The following ZNF800 variants were observed in gnomAD, a reference collection of about 807,000 sequenced individuals.
ZNF800 encodes zinc finger protein 800.
In ZNF800, 13 loss-of-function variants were observed where a neutral mutation model predicts 59.5. The ratio of observed to expected loss-of-function variants is 0.22; its 90% confidence interval spans 0.14 to 0.35. ZNF800 has a LOEUF of 0.35. Ranked by LOEUF, ZNF800 falls within the 10% of genes least tolerant of loss-of-function variation. The probability of loss-of-function intolerance (pLI) is 1.00; values close to 1 mark genes in which losing one functional copy is unlikely to be tolerated. For synonymous variants in ZNF800, 266 were observed against 265.7 expected (o/e 1.00, Z -0.01); for missense variants, 621 against 783.7 (o/e 0.79, Z 2.48).
intron 1 of ZNF800, among the ~76,000 whole-genome samples, chr7:127,353,106 G>C (rs185923568): frequency 6.6e-6 from 1 of 152,174 alleles, no homozygotes; most frequent in South Asian, 2.1e-4. Context: ...TAAGCAAAAA[G>C]AAAAAGTCCA....
downstream of ZNF800, among the ~76,000 whole-genome samples, chr7:127,368,529 C>T (rs962025565): frequency 6.6e-6 from 1 of 152,124 alleles, no homozygotes; most frequent in African/African-American, 2.4e-5. Flanking sequence ...ACTTCTCCAA[C>T]TCCAAACTAA....
rs147089043 is a variant in ZNF800 at position 127,374,046 on chromosome 7, T to C, written c.1290A>G (p.Glu430=). The C allele has an allele frequency of 2.5e-5, 41 of 1,614,026 alleles. No homozygotes were observed. The African/African-American group carries it at 4.9e-4, about 19-fold the overall frequency. ...PPSITHSPQN[E]LKGTNHSNEK... ...CATTTGAATGATTTGTTCCCTTTAA[T>C]TCATTCTGTGGAGAATGGGTAATGG... The change falls in exon 5 of 6, where the codon GAA becomes GAG. Residue 430 remains glutamate, a synonymous_variant. Coordinates refer to ENST00000265827, the MANE Select transcript of ZNF800 (RefSeq NM_176814.5).
chr7:127,387,419 A>G (rs984280264), intron 2 of ZNF800, among the ~76,000 whole-genome samples: 6 of 152,222 alleles, frequency 3.9e-5, no homozygotes, highest in Non-Finnish European at 8.8e-5. Flanking sequence ...GCTTTCTGAT[A>G]GCGGGGCTAA....
intron 5 of ZNF800, 183 bp downstream of exon 5, chr7:127,373,159 C>G: frequency 6.1e-6 from 6 of 985,410 alleles, no homozygotes; most frequent in Non-Finnish European, 7.2e-6. Context: ...TGTTCCCAAG[C>G]CACTGGAATA....
rs768642744 is a variant in ZNF800, at chr7:127,374,030, G to T, written c.1306C>A (p.His436Asn). The T allele has an allele frequency of 6.2e-7, 1 of 1,613,960 alleles. No homozygotes were observed. Among genetic ancestry groups the T allele is most frequent in the Admixed American group, 1.7e-5 (1 of 59,960 alleles). The change falls in exon 5 of 6, where the codon CAT (histidine) becomes AAT (asparagine). Residue 436 changes from histidine (H) to asparagine (N), a missense_variant. Physicochemically the swap from His to Asn is moderately conservative, Grantham distance 68. Coordinates refer to ENST00000265827, the MANE Select transcript of ZNF800 (RefSeq NM_176814.5). The part of the protein sequence containing the change: ...SPQNELKGTN[H>N]SNEKKNTPAA... ...GGTGTGTTCTTTTTTTCATTTGAATGATTTGTTCCCTTTAATTCATTCTGT... is the reference window on the plus strand; with the variant it reads ...GGTGTGTTCTTTTTTTCATTTGAATTATTTGTTCCCTTTAATTCATTCTGT...
At chr7:127,386,010 T>C (rs1801130147) in intron 3 of ZNF800, 50 bp downstream of exon 3, 1 of 1,314,150 alleles carries the variant, frequency 7.6e-7, no homozygotes. Context: ...TTCTAGGTAG[T>C]TTTTAACTAC....
chr7:127,346,116 C>T (rs1587416377), downstream of ZNF800, among the ~76,000 whole-genome samples: 1 of 152,102 alleles, frequency 6.6e-6, no homozygotes, highest in Non-Finnish European at 1.5e-5. Context: ...CCTCTATTAT[C>T]ACAAAAAGGA....
Position 127,386,138 on chromosome 7 carries a change from C to T in ZNF800, c.79G>A (p.Gly27Arg). The change falls in exon 3 of 6, where the codon GGA becomes AGA. Residue 27 changes from glycine (G) to arginine (R), a missense_variant. Coordinates refer to ENST00000265827, the MANE Select transcript of ZNF800 (RefSeq NM_176814.5). ...CCEPVYILEP[G>R]DPPLLQQPLQ... ...GGTTGCTGTAACAAAGGAGGATCTC[C>T]AGGTTCCAGGATATAAACTACATGG... 1 of 1,610,876 alleles carries T rather than the reference C, an allele frequency of 6.2e-7. No homozygotes were observed. Among genetic ancestry groups the T allele is most frequent in the Non-Finnish European group, 8.5e-7 (1 of 1,177,944 alleles).
chr7:127,343,158 C>T (rs1587414441), downstream of ZNF800, among the ~76,000 whole-genome samples: 1 of 151,308 alleles, frequency 6.6e-6, no homozygotes, highest in East Asian at 1.9e-4. Flanking sequence ...ATGAACTAAG[C>T]CATCAATTAG....
At chr7:127,366,046 AT>A (rs1161868936), downstream of ZNF800, among the ~76,000 whole-genome samples, 2 of 152,104 alleles carry the variant, frequency 1.3e-5, no homozygotes, top group Non-Finnish European at 2.9e-5. Context: ...TAATATAATC[AT>A]TTTACAGACA....
At chr7:127,362,167 A>C (rs1041717651) in intron 1 of ZNF800, 1 of 152,136 alleles carries the variant, frequency 6.6e-6, no homozygotes, top group Non-Finnish European at 1.5e-5. Flanking sequence ...GAAAATGCCC[A>C]AAAATAATAT....
chr7:127,383,307 A>C (rs1403319232), intron 3 of ZNF800, among the ~76,000 whole-genome samples: 1 of 152,260 alleles, frequency 6.6e-6, no homozygotes, highest in Non-Finnish European at 1.5e-5. Context: ...CTGAGCTTGA[A>C]GATAAAGGTA....
chr7:127,379,882 G>C (rs1401493610), intron 3 of ZNF800, among the ~76,000 whole-genome samples: 2 of 103,332 alleles, frequency 1.9e-5, no homozygotes, highest in African/African-American at 4.0e-5. Context: ...GAGAGAGAGA[G>C]AGAGAGAGAG....
In ZNF800 at chr7:127,392,051, C is replaced by G. The variant is rs553161098; in HGVS notation, c.-59+9G>C. The G allele has an allele frequency of 3.3e-4, 129 of 389,264 alleles. 1 individual carries two copies. The highest frequency in any genetic ancestry group is 5.1e-4 in the Non-Finnish European group (112 of 220,216). The allele number at this position is 389,264 out of a possible 1,614,324, so 24.1% of individuals were successfully genotyped here. A position where few individuals can be genotyped will look rare whatever the true frequency, so the allele number is the denominator to read the frequency against. On this transcript the variant is annotated intron_variant, in intron 1 of 5. Coordinates refer to ENST00000265827, the MANE Select transcript of ZNF800 (RefSeq NM_176814.5). ...ACCCCGTCCCCACAACCAAGTGCGC[C>G]CAACTTACTCAACTCTTAGGGCGGG... is the stretch of plus-strand genomic sequence containing the variant.
At chr7:127,389,629 A>C (rs577116472) in intron 2 of ZNF800, among the ~76,000 whole-genome samples, 2 of 152,298 alleles carry the variant, frequency 1.3e-5, no homozygotes, top group South Asian at 4.1e-4. Context: ...CTACTCTATA[A>C]GTTAACAAAG....
At position 127,371,583 on chromosome 7, in the gene ZNF800, C is replaced by A. The variant is rs1261560413; in HGVS notation, c.*231G>T. 1.3e-5 allele frequency: 5 copies of A among 397,320 alleles called. No individual in the cohort carries two copies. In the East Asian group the frequency reaches 1.5e-4, roughly 12 times the overall value. 24.6% of individuals were successfully genotyped at this position (397,320 alleles called of 1,614,324 possible). On this transcript the variant is annotated 3_prime_UTR_variant, in exon 6 of 6. Coordinates refer to ENST00000265827, the MANE Select transcript of ZNF800 (RefSeq NM_176814.5). The stretch of plus-strand genomic sequence containing the variant: ...GTGGATAGCTGATGGACTGTGATGA[C>A]AACATGTAATATCACAGCTACTTGA...
rs1477092484 is a variant in ZNF800 at position 127,374,003 on chromosome 7, C to A, written c.1333G>T (p.Ala445Ser). Residue 445 changes from alanine to serine, a missense_variant, in exon 5 of 6, where the codon GCA (alanine) becomes TCA (serine). By Grantham distance (99) the Ala-to-Ser change is moderately conservative (BLOSUM62 1). This residue lies in a region of ZNF800 where 185 missense variants were observed against 177.6 expected (regional missense o/e 1.04). Transcript: ENST00000265827. ...NHSNEKKNTPAAQKNKVKQDS... is the reference protein window; with the variant it reads ...NHSNEKKNTPSAQKNKVKQDS... ...TGTTTAACTTTATTTTTCTGTGCTG[C>A]CGGTGTGTTCTTTTTTTCATTTGAA... is the stretch of plus-strand genomic sequence containing the variant. 3.7e-6 allele frequency: 6 copies of A among 1,613,862 alleles called. No individual in the cohort carries two copies. In the South Asian group the frequency reaches 6.6e-5, roughly 18 times the overall value.
Position 127,373,351 on chromosome 7 carries a change from G to A in ZNF800, c.1985C>T (p.Ala662Val). 1 of 1,599,906 alleles carries A rather than the reference G, an allele frequency of 6.3e-7. No individual in the cohort carries two copies. The highest frequency in any genetic ancestry group is 8.5e-7 in the Non-Finnish European group (1 of 1,173,010). The stretch of plus-strand genomic sequence containing the variant: ...GTTAACTGTTCCTCACCAGACAAGA[G>A]CCTTAGATCTTGTACTTCGGCCTTT... Reference protein sequence around the residue: ...KTKGRSTRSKALV With the variant: ...KTKGRSTRSKVLV Residue 662 changes from alanine (A) to valine (V), a missense_variant, in exon 5 of 6, where the codon GCT becomes GTT. Ala to Val is a moderately conservative substitution (Grantham distance 64). This residue lies in a region of ZNF800 where 94 missense variants were observed against 108.5 expected (regional missense o/e 0.87). Transcript: ENST00000265827.
At chr7:127,365,506 G>T (rs1228451837), downstream of ZNF800, among the ~76,000 whole-genome samples, 1 of 151,966 alleles carries the variant, frequency 6.6e-6, no homozygotes, top group Non-Finnish European at 1.5e-5. Flanking sequence ...ATTCTTGCTT[G>T]TAATCTCAAA....
Sources: allele counts gnomAD v4.1 joint callset (sites outside exome capture counted in the v4.1 genomes callset), GRCh38; gene constraint gnomAD v4.1.1; regional missense constraint gnomAD v4.1.1; transcripts MANE v1.5; gene names NCBI Gene and HGNC (gene_info 2026-07-23, HGNC 2026-07-21).